Variants in ANKRD62 observed in about 807,000 individuals in gnomAD.
The protein encoded by ANKRD62 is ankyrin repeat domain-containing protein 62.
In ANKRD62, 61 loss-of-function variants were observed where a neutral mutation model predicts 98.8. The observed-to-expected ratio is 0.62, with a 90% CI of 0.50 to 0.76. The LOEUF (loss-of-function observed/expected upper bound fraction) is 0.76, where lower values mean the gene tolerates loss of function less well. ANKRD62 is among the 30% of genes least tolerant of loss of function. ANKRD62 has a pLI of 0.00. For missense variants in ANKRD62, 933 were observed against 1,082.9 expected, an observed-to-expected ratio of 0.86 and a Z score of 1.94; for synonymous variants, 341 against 367.9, an observed-to-expected ratio of 0.93 and a Z score of 0.84.
At chr18:12,175,934 G>A in the ANKRD62 span, among the ~76,000 whole-genome samples, 2 of 151,976 alleles carry the variant, frequency 1.3e-5, no homozygotes, top group Non-Finnish European at 2.9e-5. Context: ...GCTCACACCT[G>A]TAATCCCTGC....
At chr18:12,168,945 G>C in the ANKRD62 span, among the ~76,000 whole-genome samples, 1 of 152,074 alleles carries the variant, frequency 6.6e-6, no homozygotes, top group African/African-American at 2.4e-5. Context: ...GTCTGTTACT[G>C]GTGTATAAGA....
chr18:12,175,303 C>A, the ANKRD62 span, among the ~76,000 whole-genome samples: 2 of 151,990 alleles, frequency 1.3e-5, no homozygotes, highest in Non-Finnish European at 2.9e-5. Context: ...CAGGGTAGGG[C>A]ACTGGTGGTG....
the ANKRD62 span, among the ~76,000 whole-genome samples, chr18:12,159,309 G>C: frequency 6.6e-6 from 1 of 152,140 alleles, no homozygotes; most frequent in Non-Finnish European, 1.5e-5. Flanking sequence ...AAAAGATACT[G>C]ATTTGGGGGT....
chr18:12,161,413 G>A, the ANKRD62 span, among the ~76,000 whole-genome samples: 1 of 151,928 alleles, frequency 6.6e-6, no homozygotes, highest in East Asian at 1.9e-4. Context: ...TATTTTGTGA[G>A]TACATAGTAG....
the ANKRD62 span, among the ~76,000 whole-genome samples, chr18:12,165,067 A>G: frequency 6.6e-6 from 1 of 151,746 alleles, no homozygotes; most frequent in African/African-American, 2.4e-5. Flanking sequence ...TTTGAAATCT[A>G]TTTTGTCTGA....
chr18:12,122,534 TAAAG>T lies in ANKRD62; in HGVS notation c.1454+22_1454+25del. 6.7e-7 allele frequency: 1 copy of T among 1,493,576 alleles called. No homozygotes were observed. Among genetic ancestry groups the T allele is most frequent in the Non-Finnish European group, 8.9e-7 (1 of 1,128,978 alleles). The allele number at this position is 1,493,576 out of a possible 1,614,324, so 92.5% of individuals were successfully genotyped here. A position where few individuals can be genotyped will look rare whatever the true frequency, so the allele number is the denominator to read the frequency against. On this transcript the variant is annotated intron_variant, in intron 11 of 13. Coordinates refer to ENST00000587848, the MANE Select transcript of ANKRD62 (RefSeq NM_001277333.2). ...AATTTGAGGTATCACATTCTAGTTTTAAAGAAATATTTCAACTATTTATACTAAG... is the reference window on the plus strand; with the variant it reads ...AATTTGAGGTATCACATTCTAGTTTTAAATATTTCAACTATTTATACTAAG...
chr18:12,109,598 A>G (rs1962196), intron 8 of ANKRD62, among the ~76,000 whole-genome samples: 46,934 of 152,166 alleles, frequency 0.31, 7,917 homozygotes, highest in Middle Eastern at 0.39. Flanking sequence ...GTTTTTCTCA[A>G]TGCAAAAGTG....
chr18:12,138,681 A>G, the ANKRD62 span, among the ~76,000 whole-genome samples: 2 of 152,138 alleles, frequency 1.3e-5, no homozygotes, highest in African/African-American at 2.4e-5. Context: ...GTGGGAGTCT[A>G]AGTCTGTTTG....
At chr18:12,158,026 C>G in the ANKRD62 span, among the ~76,000 whole-genome samples, 1 of 152,204 alleles carries the variant, frequency 6.6e-6, no homozygotes, top group Non-Finnish European at 1.5e-5. Context: ...TGTTGGCTCC[C>G]CCTTCCAGCG....
chr18:12,117,103 A>G (rs888774450), intron 10 of ANKRD62, among the ~76,000 whole-genome samples: 1 of 152,194 alleles, frequency 6.6e-6, no homozygotes, highest in Non-Finnish European at 1.5e-5. Context: ...TGCATACTTC[A>G]ATCTTACTGA....
chr18:12,097,270 C>T (rs1009426558), intron 4 of ANKRD62, among the ~76,000 whole-genome samples: 11 of 152,126 alleles, frequency 7.2e-5, no homozygotes, highest in Admixed American at 3.3e-4. Flanking sequence ...ATTGACCCCA[C>T]GCTCATTTTG....
chr18:12,127,792 CA>C lies in ANKRD62; in HGVS notation c.2610del (p.Lys870AsnfsTer5). On this transcript the variant is annotated frameshift_variant, in exon 14 of 14. Transcript: ENST00000587848. LOFTEE classifies it low-confidence loss of function (END_TRUNC). ...AACGAGAAGTGGATGATGCCCTGAA[CA>C]AACAATTGCTGTTAGAAGCTATGCT... ...LQREVDDALNKQLLLEAMLEI... is the reference protein window; with the variant it reads ...LQREVDDALNXQLLLEAMLEI... 6.7e-7 allele frequency: 1 copy of C among 1,494,214 alleles called. No homozygotes were observed. Among genetic ancestry groups the C allele is most frequent in the Non-Finnish European group, 8.9e-7 (1 of 1,128,950 alleles). The allele number at this position is 1,494,214 out of a possible 1,614,324, so 92.6% of individuals were successfully genotyped here. A position where few individuals can be genotyped will look rare whatever the true frequency, so the allele number is the denominator to read the frequency against.
intron 3 of ANKRD62, among the ~76,000 whole-genome samples, 191 bp downstream of exon 3, chr18:12,095,801 T>A (rs927386810): frequency 6.6e-6 from 1 of 152,222 alleles, no homozygotes; most frequent in East Asian, 1.9e-4. Context: ...TCTAAATGTG[T>A]CCCATAGATT....
Position 12,128,051 on chromosome 18 carries a change from A to G in ANKRD62, c.*112A>G. ...ATTTGATTATCTTTATAATACATCC[A>G]TTTCTCAATCTCTGCCATGTTTTAT... On this transcript the variant is annotated 3_prime_UTR_variant, in exon 14 of 14. Transcript: ENST00000587848. 1 of 582,330 alleles carries G rather than the reference A, an allele frequency of 1.7e-6. No homozygotes were observed. Among genetic ancestry groups the G allele is most frequent in the Non-Finnish European group, 2.5e-6 (1 of 398,054 alleles). 36.1% of individuals were successfully genotyped at this position (582,330 alleles called of 1,614,324 possible).
the ANKRD62 span, among the ~76,000 whole-genome samples, chr18:12,138,641 T>G: frequency 6.6e-6 from 1 of 152,130 alleles, no homozygotes; most frequent in Non-Finnish European, 1.5e-5. Flanking sequence ...ATGTTGACAG[T>G]GGGGTGTTAA....
chr18:12,166,179 T>A, the ANKRD62 span, among the ~76,000 whole-genome samples: 1 of 152,138 alleles, frequency 6.6e-6, no homozygotes, highest in Non-Finnish European at 1.5e-5. Context: ...TGATATCTTT[T>A]CCCAGGTTTC....
chr18:12,120,687 C>T (rs1324127216), intron 10 of ANKRD62, among the ~76,000 whole-genome samples: 2 of 152,082 alleles, frequency 1.3e-5, no homozygotes, highest in Non-Finnish European at 2.9e-5. Flanking sequence ...CTGTTAGTCT[C>T]GCTATTATTT....
At chr18:12,116,440 A>G (rs1018716264) in intron 10 of ANKRD62, among the ~76,000 whole-genome samples, 2 of 152,242 alleles carry the variant, frequency 1.3e-5, no homozygotes, top group African/African-American at 4.8e-5. Context: ...TGTTTCATGC[A>G]CAAAATTATT....
In ANKRD62 at chr18:12,094,114, C is replaced by T. The variant is rs1413273832; in HGVS notation, c.97C>T (p.Arg33Ter). The change falls in exon 1 of 14, where the codon CGA becomes TGA. Residue 33 changes from arginine to a stop codon, truncating the protein, a stop_gained. Transcript: ENST00000587848. LOFTEE classifies it high-confidence loss of function. ...GGATGGCTTCTCAAATCCCGGGTAC[C>T]GAGTCCGGCAGAAGGATCTGGGCAT... ...DKDGFSNPGY[R>*]VRQKDLGMIH... 1 of 1,534,050 alleles carries T rather than the reference C, an allele frequency of 6.5e-7. No homozygotes were observed. Among genetic ancestry groups the T allele is most frequent in the African/African-American group, 1.4e-5 (1 of 72,482 alleles).
Sources: allele counts gnomAD v4.1 joint callset (sites outside exome capture counted in the v4.1 genomes callset), GRCh38; gene constraint gnomAD v4.1.1; transcripts MANE v1.5; gene names NCBI Gene and HGNC (gene_info 2026-07-23, HGNC 2026-07-21).